The following ARID2 variants were observed in gnomAD, a reference collection of about 807,000 sequenced individuals.
ARID2 encodes AT-rich interaction domain 2.
Under a neutral mutation model 184.6 loss-of-function variants are expected in ARID2, and 32 were observed. The ratio of observed to expected loss-of-function variants is 0.17; its 90% confidence interval spans 0.13 to 0.23. The LOEUF (loss-of-function observed/expected upper bound fraction) is 0.23. Among genes scored for constraint, ARID2 ranks in the 10% least tolerant of loss-of-function variants. ARID2 has a pLI of 1.00. For synonymous variants in ARID2, 836 were observed against 772.6 expected (o/e 1.08, Z -1.36); for missense variants, 1,696 against 2,197.6 (o/e 0.77, Z 4.56).
At chr12:45,793,353 TC>T (rs1436048934) in intron 3 of ARID2, among the ~76,000 whole-genome samples, 2 of 149,214 alleles carry the variant, frequency 1.3e-5, no homozygotes, top group African/African-American at 2.5e-5. Context: ...ATACTTTTTT[TC>T]TCTTTTTTAT....
chr12:45,893,792 T>C lies in ARID2; in HGVS notation c.5363+71T>C. On this transcript the variant is annotated intron_variant, in intron 20 of 20. Transcript: ENST00000334344. ...ATTTTTACATATAAGTTAATAAAAT[T>C]AGATAACTGTATTTTCTTCATTGTT... 1.2e-5 allele frequency: 15 copies of C among 1,227,852 alleles called. 1 individual carries two copies. In the South Asian group the frequency reaches 2.6e-4, roughly 21 times the overall value. The allele number at this position is 1,227,852 out of a possible 1,614,324, so 76.1% of individuals were successfully genotyped here. A position where few individuals can be genotyped will look rare whatever the true frequency, so the allele number is the denominator to read the frequency against.
intron 3 of ARID2, among the ~76,000 whole-genome samples, chr12:45,774,090 T>C (rs1250741399): frequency 6.6e-6 from 1 of 152,140 alleles, no homozygotes; most frequent in Non-Finnish European, 1.5e-5. Flanking sequence ...ATTGCCTGAG[T>C]GAGGGAAACC....
Position 45,780,886 on chromosome 12 carries a change from C to T in ARID2, c.285-30532C>T, listed in dbSNP as rs1942077380. ...CCACCTGCCTTAGCCTCCCAAAGTG[C>T]TGGGATTACAGGCGTGAGCCACTGC... On this transcript the variant is annotated intron_variant, in intron 3 of 20. Coordinates refer to ENST00000334344, the MANE Select transcript of ARID2 (RefSeq NM_152641.4). Among the ~76,000 whole-genome samples, 4 of 152,272 alleles carry T rather than the reference C, an allele frequency of 2.6e-5. No individual in the cohort carries two copies. The South Asian group carries it at 6.2e-4, about 24-fold the overall frequency.
At chr12:45,842,383 CACAT>C (rs931477891) in intron 11 of ARID2, 13 of 150,964 alleles carry the variant, frequency 8.6e-5, no homozygotes, top group East Asian at 3.9e-4. Flanking sequence ...ATATAAAACA[CACAT>C]ACATATATTT....
At chr12:45,842,389 C>T (rs948344204) in intron 11 of ARID2, among the ~76,000 whole-genome samples, 4 of 151,066 alleles carry the variant, frequency 2.6e-5, no homozygotes, top group African/African-American at 4.9e-5. Flanking sequence ...AACACACATA[C>T]ATATATTTTA....
intron 3 of ARID2, among the ~76,000 whole-genome samples, chr12:45,773,700 G>C (rs1039449690): frequency 6.6e-6 from 1 of 152,042 alleles, no homozygotes; most frequent in African/African-American, 2.4e-5. Context: ...AAAAGACAAT[G>C]TAAATAGACC....
chr12:45,869,693 G>T (rs1490385531), intron 16 of ARID2, among the ~76,000 whole-genome samples: 1 of 151,852 alleles, frequency 6.6e-6, no homozygotes, highest in African/African-American at 2.4e-5. Flanking sequence ...GAACAGCCTG[G>T]CCAATATGGT....
Position 45,848,827 on chromosome 12 carries a change from C to T in ARID2, c.1581-9C>T, listed in dbSNP as rs764577398. On this transcript the variant is annotated splice_polypyrimidine_tract_variant and intron_variant, in intron 12 of 20. Coordinates refer to ENST00000334344, the MANE Select transcript of ARID2 (RefSeq NM_152641.4). Reference sequence around the variant, plus strand: ...TATTGTATAATGCTTAATTTTTCTCCTCTTTTAGGCTAAATGCTCATTTTG... The same window carrying T: ...TATTGTATAATGCTTAATTTTTCTCTTCTTTTAGGCTAAATGCTCATTTTG... 1 of 1,605,712 alleles carries T rather than the reference C, an allele frequency of 6.2e-7. No individual in the cohort carries two copies. The highest frequency in any genetic ancestry group is 8.5e-7 in the Non-Finnish European group (1 of 1,175,786).
At chr12:45,822,111 C>G (rs1592097831) in intron 6 of ARID2, among the ~76,000 whole-genome samples, 1 of 152,158 alleles carries the variant, frequency 6.6e-6, no homozygotes, top group Non-Finnish European at 1.5e-5. Context: ...AACACCTTTT[C>G]TTTAAAACTC....
chr12:45,880,654 C>T (rs147939465), intron 16 of ARID2, among the ~76,000 whole-genome samples: 1,525 of 152,228 alleles, frequency 0.01, 8 homozygotes, highest in Non-Finnish European at 0.017. Flanking sequence ...CACATTAATG[C>T]AAGGAAAACA....
chr12:45,834,700 A>G (rs1390885405), intron 6 of ARID2, among the ~76,000 whole-genome samples: 2 of 152,220 alleles, frequency 1.3e-5, no homozygotes, highest in South Asian at 2.1e-4. Context: ...AGATCACGCC[A>G]TTGCACTCTA....
At chr12:45,795,955 G>C (rs1942385180) in intron 3 of ARID2, among the ~76,000 whole-genome samples, 1 of 151,906 alleles carries the variant, frequency 6.6e-6, no homozygotes, top group South Asian at 2.1e-4. Flanking sequence ...CTGTTTTAAA[G>C]ATTTGTTATT....
chr12:45,756,288 A>T (rs1375712992), intron 3 of ARID2, among the ~76,000 whole-genome samples: 2 of 152,230 alleles, frequency 1.3e-5, no homozygotes. Context: ...GGGACTGTTC[A>T]GGAAAGATAC....
intron 6 of ARID2, among the ~76,000 whole-genome samples, chr12:45,826,359 G>T (rs949482729): frequency 6.6e-6 from 1 of 151,946 alleles, no homozygotes; most frequent in Non-Finnish European, 1.5e-5. Flanking sequence ...TAGTTAAATA[G>T]TGGGAAAAGA....
intron 16 of ARID2, among the ~76,000 whole-genome samples, chr12:45,878,111 C>G (rs1944040953): frequency 6.6e-6 from 1 of 152,168 alleles, no homozygotes; most frequent in African/African-American, 2.4e-5. Context: ...GTCCTTCCAT[C>G]AGTAAGTTGG....
intron 3 of ARID2, among the ~76,000 whole-genome samples, chr12:45,769,477 C>T (rs951880386): frequency 6.6e-6 from 1 of 151,868 alleles, no homozygotes; most frequent in African/African-American, 2.4e-5. Flanking sequence ...AAAGATAGAT[C>T]AACAGAGATT....
intron 6 of ARID2, among the ~76,000 whole-genome samples, chr12:45,833,224 A>C (rs1592105696): frequency 6.6e-6 from 1 of 152,194 alleles, no homozygotes; most frequent in East Asian, 1.9e-4. Context: ...GGGGGTATTA[A>C]ATGCATTACG....
At position 45,729,942 on chromosome 12, in the gene ARID2, C is replaced by G. The variant is rs1592039408; in HGVS notation, c.92+14C>G. ...CCACAGCAGAGGGTGAGAGCAGAAC[C>G]GGGGGGGCAGCGCCGGGGCGAGCCG... On this transcript the variant is annotated intron_variant, in intron 1 of 20. Transcript: ENST00000334344. The G allele has an allele frequency of 6.2e-7, 1 of 1,604,550 alleles. No individual in the cohort carries two copies. The highest frequency in any genetic ancestry group is 8.5e-7 in the Non-Finnish European group (1 of 1,175,490).
At chr12:45,820,568 TA>T (rs1411965254) in intron 5 of ARID2, among the ~76,000 whole-genome samples, 1 of 152,200 alleles carries the variant, frequency 6.6e-6, no homozygotes, top group Non-Finnish European at 1.5e-5. Flanking sequence ...TGTCATTATA[TA>T]ATTTTCTTTT....
Sources: allele counts gnomAD v4.1 joint callset (sites outside exome capture counted in the v4.1 genomes callset), GRCh38; gene constraint gnomAD v4.1.1; transcripts MANE v1.5; gene names NCBI Gene and HGNC (gene_info 2026-07-23, HGNC 2026-07-21).